The following SBF2 variants were observed in gnomAD, a reference collection of about 807,000 sequenced individuals.
SBF2 encodes SET binding factor 2, also known as myotubularin-related protein 13.
Under a neutral mutation model 225.2 loss-of-function variants are expected in SBF2, and 112 were observed. The ratio of observed to expected loss-of-function variants is 0.50; its 90% CI spans 0.43 to 0.58. SBF2 has a LOEUF of 0.58. Ranked by LOEUF, SBF2 falls within the 20% of genes least tolerant of loss-of-function variation. The pLI, the probability that SBF2 is intolerant of heterozygous loss-of-function variation, is 0.00. For missense variants in SBF2, 1,996 were observed against 2,206.2 expected (o/e 0.90, Z 1.91); for synonymous variants, 763 against 773.3 (o/e 0.99, Z 0.22).
chr11:10,059,279 T>A (rs556114264), intron 2 of SBF2, among the ~76,000 whole-genome samples: 3 of 152,142 alleles, frequency 2.0e-5, no homozygotes, highest in Non-Finnish European at 4.4e-5. Flanking sequence ...ACCCATCTCA[T>A]GTGTAATGAC....
chr11:10,000,906 A>C lies in SBF2; in HGVS notation c.861+8T>G. On this transcript the variant is annotated splice_region_variant and intron_variant, in intron 8 of 39. Transcript: ENST00000256190. ...CAATAACTGGAAACTTTAAAGATGAATACTTACAAGTTCATGGACATCAGT... is the reference window on the plus strand; with the variant it reads ...CAATAACTGGAAACTTTAAAGATGACTACTTACAAGTTCATGGACATCAGT... 1 of 1,429,418 alleles carries C rather than the reference A, an allele frequency of 7.0e-7. No homozygotes were observed. The highest frequency in any genetic ancestry group is 9.9e-7 in the Non-Finnish European group (1 of 1,011,792). The allele number at this position is 1,429,418 out of a possible 1,614,324, so 88.5% of individuals were successfully genotyped here. A position where few individuals can be genotyped will look rare whatever the true frequency, so the allele number is the denominator to read the frequency against.
chr11:9,808,916 C>CT lies in SBF2; in HGVS notation c.4241_4242insA (p.Trp1414Ter). The CT allele has an allele frequency of 6.2e-7, 1 of 1,612,406 alleles. No homozygotes were observed. Among genetic ancestry groups the CT allele is most frequent in the South Asian group, 1.1e-5 (1 of 91,014 alleles). ...AATAGTTTACTTGTGCAGTGATGTC[C>CT]CAGCCTTCCTCCAAACAGACCAAAA... The part of the protein sequence containing the change: ...SSVLVCLEEG[W>*]DITAQVTSLV... The change falls in exon 31 of 40, where the codon TGG becomes TGAG. Residue 1414 changes from tryptophan (W) to a stop codon, truncating the protein, a stop_gained and frameshift_variant. Transcript: ENST00000256190. LOFTEE classifies it high-confidence loss of function.
rs116613448 is a variant in SBF2, at chr11:10,273,669, T to C, written c.55+20346A>G. On this transcript the variant is annotated intron_variant, in intron 1 of 39. Coordinates refer to ENST00000256190, the MANE Select transcript of SBF2 (RefSeq NM_030962.4). ...TGTATGTGTGTATCTCTTCTTCTTG[T>C]GCTAAATTATAATGTAGCAGACCAG... Among the ~76,000 whole-genome samples, 123 of 152,344 alleles carry C rather than the reference T, an allele frequency of 8.1e-4. 1 individual carries two copies. The highest frequency in any genetic ancestry group is 2.8e-3 in the African/African-American group (116 of 41,582).
chr11:9,870,273 T>C (rs188347068), intron 17 of SBF2, among the ~76,000 whole-genome samples: 111 of 152,282 alleles, frequency 7.3e-4, no homozygotes, highest in South Asian at 2.5e-3. Context: ...AAAATGGCCA[T>C]ACTGCCCAAA....
rs1948389267 is a variant in SBF2, at chr11:10,010,304, G to A, written c.620-7615C>T. Among the ~76,000 whole-genome samples, 4 of 152,164 alleles carry A rather than the reference G, an allele frequency of 2.6e-5. No individual in the cohort carries two copies. In the South Asian group the frequency reaches 8.3e-4, roughly 31 times the overall value. On this transcript the variant is annotated intron_variant, in intron 6 of 39. Coordinates refer to ENST00000256190, the MANE Select transcript of SBF2 (RefSeq NM_030962.4). ...CCATTGCTTTTGGTGTTTTAGACAT[G>A]AAGTCTTTGCCCATGCCTATGTATT...
intron 35 of SBF2, among the ~76,000 whole-genome samples, chr11:9,788,374 G>A (rs1380270088): frequency 2.0e-5 from 3 of 152,148 alleles, no homozygotes. Flanking sequence ...GCCAGGAGGG[G>A]TTGGTTCCGG....
intron 6 of SBF2, among the ~76,000 whole-genome samples, chr11:10,014,518 A>C (rs950099604): frequency 1.3e-5 from 2 of 150,056 alleles, no homozygotes; most frequent in Non-Finnish European, 3.0e-5. Context: ...AAAAAAAAAA[A>C]AAAAAAAAAA....
chr11:9,999,260 T>C (rs1947840303), intron 8 of SBF2, among the ~76,000 whole-genome samples: 1 of 152,086 alleles, frequency 6.6e-6, no homozygotes, highest in Non-Finnish European at 1.5e-5. Flanking sequence ...CAACACTTGG[T>C]TGGTCCTACC....
chr11:10,085,161 T>C (rs1430974974), intron 2 of SBF2, among the ~76,000 whole-genome samples: 3 of 152,160 alleles, frequency 2.0e-5, no homozygotes, highest in African/African-American at 7.2e-5. Flanking sequence ...AATTTGAAAA[T>C]ACTGTTTTTT....
rs532893703 is a variant in SBF2, at chr11:10,132,725, G to C, written c.141+61177C>G. 4.0e-5 allele frequency among the ~76,000 whole-genome samples: 6 copies of C among 148,618 alleles called. 1 individual carries two copies. Among genetic ancestry groups the C allele is most frequent in the Non-Finnish European group, 5.9e-5 (4 of 67,338 alleles). On this transcript the variant is annotated intron_variant, in intron 2 of 39. Coordinates refer to ENST00000256190, the MANE Select transcript of SBF2 (RefSeq NM_030962.4). ...GCTTCCACAGTGTGGAAGGGGACCC[G>C]AGCGGGTTGCCAATGCTGGCTCGGG...
intron 2 of SBF2, among the ~76,000 whole-genome samples, chr11:10,066,125 C>T (rs1332799093): frequency 1.3e-5 from 2 of 152,012 alleles, no homozygotes; most frequent in South Asian, 2.1e-4. Context: ...GTAAATTCTA[C>T]TAAACATTAA....
chr11:9,829,717 T>C lies in SBF2; in HGVS notation c.3653-221A>G, dbSNP rs577031882. 5.9e-4 allele frequency: 306 copies of C among 514,638 alleles called. 1 individual carries two copies. Among genetic ancestry groups the C allele is most frequent in the African/African-American group, 5.2e-3 (273 of 52,266 alleles). 31.9% of individuals were successfully genotyped at this position (514,638 alleles called of 1,614,324 possible). ...TGGTTTTACCACACCTACTTCTTGA[T>C]TGCCTCATTATGCTTCCAGAAAGAG... On this transcript the variant is annotated intron_variant, in intron 27 of 39. Coordinates refer to ENST00000256190, the MANE Select transcript of SBF2 (RefSeq NM_030962.4).
chr11:9,783,952 TA>T (rs1157443362), intron 38 of SBF2, among the ~76,000 whole-genome samples: 1 of 152,210 alleles, frequency 6.6e-6, no homozygotes, highest in Non-Finnish European at 1.5e-5. Context: ...AGGTAACTTG[TA>T]TTCTGGGGAG....
chr11:9,966,351 A>G (rs1215939797), intron 14 of SBF2, among the ~76,000 whole-genome samples: 1 of 152,218 alleles, frequency 6.6e-6, no homozygotes, highest in Non-Finnish European at 1.5e-5. Context: ...TGGCTTCCCA[A>G]AGTGCTGGGA....
At chr11:10,131,227 T>C (rs1019080961) in intron 2 of SBF2, among the ~76,000 whole-genome samples, 5 of 95,386 alleles carry the variant, frequency 5.2e-5, no homozygotes, top group Non-Finnish European at 1.1e-4. Context: ...TTGCCACTAA[T>C]TTTTTTTTTT....
At chr11:10,286,370 A>C (rs1963786162) in intron 1 of SBF2, among the ~76,000 whole-genome samples, 1 of 149,030 alleles carries the variant, frequency 6.7e-6, no homozygotes. Context: ...TTTTTGAGAC[A>C]GTCTTGCTCT....
chr11:10,133,328 G>A (rs1190921652), intron 2 of SBF2, among the ~76,000 whole-genome samples: 1 of 149,542 alleles, frequency 6.7e-6, no homozygotes, highest in African/African-American at 2.5e-5. Flanking sequence ...TTGGGTGGTC[G>A]ATGGGACTGG....
intron 17 of SBF2, among the ~76,000 whole-genome samples, chr11:9,885,640 T>G (rs529402232): frequency 1.3e-5 from 2 of 152,282 alleles, no homozygotes; most frequent in South Asian, 4.1e-4. Context: ...ATTCTATACA[T>G]GGTGATAGCA....
intron 32 of SBF2, among the ~76,000 whole-genome samples, chr11:9,798,795 A>T (rs117981235): frequency 0.028 from 4,278 of 152,026 alleles, 93 homozygotes; most frequent in Non-Finnish European, 0.044. Flanking sequence ...AAATACAAAA[A>T]CAAAATTTTA....
Sources: allele counts gnomAD v4.1 joint callset (sites outside exome capture counted in the v4.1 genomes callset), GRCh38; gene constraint gnomAD v4.1.1; transcripts MANE v1.5; gene names NCBI Gene and HGNC (gene_info 2026-07-23, HGNC 2026-07-21).